ATRN: variants seen among roughly 807,000 people sequenced by gnomAD.
ATRN encodes the protein attractin-2.
ATRN carries 54 observed loss-of-function variants against 178.7 expected under a neutral mutation model. The ratio of observed to expected loss-of-function variants is 0.30; its 90% CI spans 0.24 to 0.38. The LOEUF (loss-of-function observed/expected upper bound fraction) is 0.38. Ranked by LOEUF, ATRN falls within the 10% of genes least tolerant of loss-of-function variation. The probability of loss-of-function intolerance (pLI) is 1.00; values close to 1 mark genes in which losing one functional copy is unlikely to be tolerated. For missense variants in ATRN, 1,443 were observed against 1,815.1 expected (o/e 0.79, Z 3.73); for synonymous variants, 636 against 663.0 (o/e 0.96, Z 0.63).
At chr20:3,608,975 AAAAG>A (rs1039683450) in intron 24 of ATRN, among the ~76,000 whole-genome samples, 4 of 53,262 alleles carry the variant, frequency 7.5e-5, no homozygotes, top group Non-Finnish European at 1.4e-4. Flanking sequence ...CTCAAAAAAA[AAAAG>A]AAAAAAAAAA....
chr20:3,625,335 T>A (rs941609206), intron 25 of ATRN, among the ~76,000 whole-genome samples: 1 of 152,192 alleles, frequency 6.6e-6, no homozygotes, highest in Non-Finnish European at 1.5e-5. Context: ...TTAATACCAT[T>A]GTATCATAAT....
At chr20:3,585,230 C>T (rs896492083) in intron 18 of ATRN, among the ~76,000 whole-genome samples, 1 of 152,176 alleles carries the variant, frequency 6.6e-6, no homozygotes, top group Admixed American at 6.5e-5. Context: ...AAGAGCCTGC[C>T]ATTGACAACA....
At chr20:3,528,358 C>T (rs1366211286) in intron 1 of ATRN, among the ~76,000 whole-genome samples, 1 of 144,776 alleles carries the variant, frequency 6.9e-6, no homozygotes, top group Non-Finnish European at 1.5e-5. Context: ...CAGGGCGAAA[C>T]TCCGTCTCAA....
chr20:3,600,309 G>A (rs1401521927), intron 22 of ATRN, among the ~76,000 whole-genome samples: 1 of 151,946 alleles, frequency 6.6e-6, no homozygotes, highest in African/African-American at 2.4e-5. Flanking sequence ...TGGTAGACAA[G>A]GTTTTCAAAA....
At chr20:3,557,594 AGAAAGAGAAG>A (rs2085896053) in intron 6 of ATRN, among the ~76,000 whole-genome samples, 1 of 152,250 alleles carries the variant, frequency 6.6e-6, no homozygotes. Context: ...GAAGAGCTCA[AGAAAGAGAAG>A]TTGTGGTAAA....
chr20:3,591,144 C>G, intron 18 of ATRN, 25 bp from the exon 19 acceptor site: 1 of 1,612,266 alleles, frequency 6.2e-7, no homozygotes, highest in South Asian at 1.1e-5. Flanking sequence ...ATGGTACAGA[C>G]CCCTTGAAAC....
At chr20:3,582,887 A>G (rs1420481248) in intron 16 of ATRN, among the ~76,000 whole-genome samples, 2 of 152,152 alleles carry the variant, frequency 1.3e-5, no homozygotes, top group African/African-American at 4.8e-5. Context: ...CACTCGGAGT[A>G]GCTTCCCAGC....
chr20:3,553,982 C>T (rs757073614), intron 6 of ATRN, among the ~76,000 whole-genome samples: 1 of 152,192 alleles, frequency 6.6e-6, no homozygotes, highest in Admixed American at 6.5e-5. Flanking sequence ...CTTGTTTACT[C>T]ACTGCACTCA....
rs2146260577 is a variant in ATRN at position 3,583,885 on chromosome 20, G to A, written c.2765-13G>A. 6.2e-7 allele frequency: 1 copy of A among 1,611,202 alleles called. No homozygotes were observed. Among genetic ancestry groups the A allele is most frequent in the Non-Finnish European group, 8.5e-7 (1 of 1,177,590 alleles). ...TGGGAGCTCTAAGTGTCTCTCTTGG[G>A]TTTCATTCCCAGCAAACCACAGTGC... On this transcript the variant is annotated splice_polypyrimidine_tract_variant and intron_variant, in intron 16 of 28. Transcript: ENST00000262919.
chr20:3,525,634 C>T (rs1015943030), intron 1 of ATRN, among the ~76,000 whole-genome samples: 11 of 152,166 alleles, frequency 7.2e-5, no homozygotes, highest in African/African-American at 2.2e-4. Flanking sequence ...TGATAAGCAT[C>T]GATGCGAGAA....
At chr20:3,615,557 C>CTTTTTT (rs553919921) in intron 24 of ATRN, among the ~76,000 whole-genome samples, 3 of 133,262 alleles carry the variant, frequency 2.3e-5, no homozygotes, top group African/African-American at 5.4e-5. Context: ...TTTCTTTTTT[C>CTTTTTT]TTTTTTTTTT....
At chr20:3,622,232 A>G (rs369422607) in intron 24 of ATRN, among the ~76,000 whole-genome samples, 7 of 152,198 alleles carry the variant, frequency 4.6e-5, no homozygotes, top group African/African-American at 1.7e-4. Context: ...AGTTTTCCCA[A>G]AGTCCTCCCT....
At chr20:3,626,000 A>G (rs964896630) in intron 25 of ATRN, among the ~76,000 whole-genome samples, 2 of 152,078 alleles carry the variant, frequency 1.3e-5, no homozygotes, top group Non-Finnish European at 2.9e-5. Flanking sequence ...GGGAGACCAA[A>G]GTGGGTGGGT....
chr20:3,648,449 C>A lies in ATRN; in HGVS notation c.*1602C>A, dbSNP rs138626391. The A allele has an allele frequency of 2.0e-5, 3 of 152,730 alleles. No individual in the cohort carries two copies. The highest frequency in any genetic ancestry group is 7.2e-5 in the African/African-American group (3 of 41,552). The allele number at this position is 152,730 out of a possible 1,614,324, so 9.5% of individuals were successfully genotyped here. On this transcript the variant is annotated 3_prime_UTR_variant, in exon 29 of 29. Coordinates refer to ENST00000262919, the MANE Select transcript of ATRN (RefSeq NM_139321.3). The stretch of plus-strand genomic sequence containing the variant: ...TCTCTTCTGCTTCAAAACCTGGGAT[C>A]TCTGGCATTACCCTATTGGGATGGA...
At position 3,547,983 on chromosome 20, in the gene ATRN, C is replaced by A. The variant is rs540020148; in HGVS notation, c.943+494C>A. Among the ~76,000 whole-genome samples, 4 of 152,226 alleles carry A rather than the reference C, an allele frequency of 2.6e-5. No individual in the cohort carries two copies. In the South Asian group the frequency reaches 6.2e-4, roughly 24 times the overall value. ...TTTGGTGATTTTTCTTGTAAACTTA[C>A]CCCTTCCTCAGAACCTTTTTACTTT... On this transcript the variant is annotated intron_variant, in intron 5 of 28. Coordinates refer to ENST00000262919, the MANE Select transcript of ATRN (RefSeq NM_139321.3).
intron 1 of ATRN, among the ~76,000 whole-genome samples, chr20:3,512,111 T>A (rs7267515): frequency 0.011 from 1,416 of 124,366 alleles, 22 homozygotes; most frequent in African/African-American, 0.025. Flanking sequence ...ATATATATTT[T>A]TTTTTTTTAT....
At chr20:3,505,499 T>C (rs1195946513) in intron 1 of ATRN, among the ~76,000 whole-genome samples, 1 of 152,186 alleles carries the variant, frequency 6.6e-6, no homozygotes, top group Non-Finnish European at 1.5e-5. Flanking sequence ...TAATAAATCC[T>C]CTCCCATATA....
At chr20:3,509,725 ACCT>A (rs1053450564) in intron 1 of ATRN, among the ~76,000 whole-genome samples, 26 of 151,824 alleles carry the variant, frequency 1.7e-4, no homozygotes, top group African/African-American at 6.0e-4. Flanking sequence ...GCTGGTCTTG[ACCT>A]CCTGACCTCA....
intron 11 of ATRN, among the ~76,000 whole-genome samples, chr20:3,567,787 T>TG (rs2086057838): frequency 6.6e-6 from 1 of 152,118 alleles, no homozygotes; most frequent in African/African-American, 2.4e-5. Flanking sequence ...CGGCAGGAGA[T>TG]GCAGCTGTGC....
Sources: allele counts gnomAD v4.1 joint callset (sites outside exome capture counted in the v4.1 genomes callset), GRCh38; gene constraint gnomAD v4.1.1; transcripts MANE v1.5; gene names NCBI Gene and HGNC (gene_info 2026-07-23, HGNC 2026-07-21).